Variants in TRAPPC9 observed in about 807,000 individuals in gnomAD.
TRAPPC9 encodes the protein IKK2 binding protein.
In TRAPPC9, 83 loss-of-function variants were observed where a neutral mutation model predicts 124.0. That is an observed-to-expected ratio of 0.67 (90% CI 0.56 to 0.80). The LOEUF (loss-of-function observed/expected upper bound fraction) is 0.80, where lower values mean the gene tolerates loss of function less well. TRAPPC9 is among the 30% of genes least tolerant of loss of function. TRAPPC9 has a pLI of 0.00. For synonymous variants in TRAPPC9, 638 were observed against 617.5 expected (o/e 1.03, Z -0.49); for missense variants, 1,302 against 1,508.3 (o/e 0.86, Z 2.27).
intron 9 of TRAPPC9, among the ~76,000 whole-genome samples, chr8:140,317,382 TCCTTTGGATAAGGTC>T (rs1278256544): frequency 6.6e-6 from 1 of 152,228 alleles, no homozygotes; most frequent in Non-Finnish European, 1.5e-5. Flanking sequence ...GGTTCCTGTG[TCCTTTGGATAAGGTC>T]CCATTATTCT....
chr8:140,233,412 G>A (rs1394360524), intron 16 of TRAPPC9, among the ~76,000 whole-genome samples: 1 of 151,892 alleles, frequency 6.6e-6, no homozygotes, highest in Non-Finnish European at 1.5e-5. Flanking sequence ...CACCATCTTG[G>A]CCAGGCTGCT....
chr8:139,959,124 C>A (rs1015935774), intron 19 of TRAPPC9, among the ~76,000 whole-genome samples: 4 of 147,012 alleles, frequency 2.7e-5, no homozygotes, highest in Admixed American at 6.8e-5. Context: ...ACACAGGGGA[C>A]TGGCTCCCAG....
chr8:140,116,874 A>AGTAGGCGGAGTTCAGTGT (rs2060898377), intron 17 of TRAPPC9, among the ~76,000 whole-genome samples: 4 of 146,458 alleles, frequency 2.7e-5, no homozygotes, highest in Non-Finnish European at 5.9e-5. Context: ...GAGTTCAGTG[A>AGTAGGCGGAGTTCAGTGT]GTAGGCGGAG....
intron 18 of TRAPPC9, chr8:140,008,403 C>A (rs1838899207): frequency 6.6e-6 from 1 of 152,310 alleles, no homozygotes; most frequent in Non-Finnish European, 1.5e-5. Context: ...TCAACCACCA[C>A]GAAGGATTCG....
At chr8:140,438,261 C>T (rs145502497) in intron 3 of TRAPPC9, among the ~76,000 whole-genome samples, 55 of 152,272 alleles carry the variant, frequency 3.6e-4, no homozygotes, top group Non-Finnish European at 5.6e-4. Flanking sequence ...ATACAATCTG[C>T]GGCCTTTTTC....
At chr8:139,796,553 T>C (rs773017423) in intron 21 of TRAPPC9, among the ~76,000 whole-genome samples, 8 of 152,270 alleles carry the variant, frequency 5.3e-5, no homozygotes, top group Admixed American at 5.2e-4. Context: ...AATGTTTTCA[T>C]GGTTCATCCA....
At chr8:139,862,699 C>T (rs1311117851) in intron 21 of TRAPPC9, among the ~76,000 whole-genome samples, 1 of 152,212 alleles carries the variant, frequency 6.6e-6, no homozygotes, top group African/African-American at 2.4e-5. Flanking sequence ...CCATGAAGCA[C>T]CTGCTCTGTG....
Position 140,286,658 on chromosome 8 carries a change from A to G in TRAPPC9, c.1981+950T>C, listed in dbSNP as rs560634362. Among the ~76,000 whole-genome samples, 9 of 152,158 alleles carry G rather than the reference A, an allele frequency of 5.9e-5. No homozygotes were observed. In the South Asian group the frequency reaches 1.7e-3, roughly 28 times the overall value. ...GGCTGATGGGAATGCCCGCACTGAG[A>G]TGGAGGCTTGACGGGGGCAGGGGCA... On this transcript the variant is annotated intron_variant, in intron 13 of 22. Transcript: ENST00000438773.
At chr8:140,331,029 A>C (rs1290245849) in intron 9 of TRAPPC9, among the ~76,000 whole-genome samples, 1 of 152,186 alleles carries the variant, frequency 6.6e-6, no homozygotes, top group Non-Finnish European at 1.5e-5. Context: ...TGAGCAAAAA[A>C]TAACAAAGCA....
Position 140,290,900 on chromosome 8 carries a change from C to G in TRAPPC9, c.1854+93G>C, listed in dbSNP as rs187639164. 4.1e-6 allele frequency: 4 copies of G among 984,828 alleles called. No homozygotes were observed. The African/African-American group carries it at 4.8e-5, about 12-fold the overall frequency. 61.0% of individuals were successfully genotyped at this position (984,828 alleles called of 1,614,324 possible). On this transcript the variant is annotated intron_variant, in intron 12 of 22. Coordinates refer to ENST00000438773, the MANE Select transcript of TRAPPC9 (RefSeq NM_001160372.4). ...AACAAACATAAAAACAGACACATAT[C>G]GTAAGATGTGTGCCTCAGACATTAA... is the stretch of plus-strand genomic sequence containing the variant.
At chr8:139,965,104 G>T (rs1835613800) in intron 19 of TRAPPC9, among the ~76,000 whole-genome samples, 2 of 127,148 alleles carry the variant, frequency 1.6e-5, no homozygotes, top group African/African-American at 5.0e-5. Flanking sequence ...CTCAGCAGGG[G>T]GTCTCTGGGG....
At chr8:140,133,478 A>G (rs937539874) in intron 17 of TRAPPC9, among the ~76,000 whole-genome samples, 6 of 152,248 alleles carry the variant, frequency 3.9e-5, no homozygotes, top group Non-Finnish European at 8.8e-5. Flanking sequence ...AGAAAGACTG[A>G]AAGCTTCCCC....
rs771216660 is a variant in TRAPPC9 at position 139,902,694 on chromosome 8, CAG to C, written c.2964+7451_2964+7452del. On this transcript the variant is annotated intron_variant, in intron 20 of 22. Transcript: ENST00000438773. Reference sequence around the variant, plus strand: ...ATTTAATTTTTTTCAGGAGATAAGACAGAGCTCCATTAGGAAACATGTCTGAG... The same window carrying C: ...ATTTAATTTTTTTCAGGAGATAAGACAGCTCCATTAGGAAACATGTCTGAG... Among the ~76,000 whole-genome samples, 9 of 152,156 alleles carry C rather than the reference CAG, an allele frequency of 5.9e-5. No individual in the cohort carries two copies. In the East Asian group the frequency reaches 7.7e-4, roughly 13 times the overall value.
intron 21 of TRAPPC9, among the ~76,000 whole-genome samples, chr8:139,745,646 C>T (rs1818835968): frequency 1.3e-5 from 2 of 152,208 alleles, no homozygotes; most frequent in Admixed American, 6.5e-5. Flanking sequence ...CTCCTTCAGG[C>T]CCAGCAGGCT....
chr8:140,327,875 C>T (rs2066781352), intron 9 of TRAPPC9, among the ~76,000 whole-genome samples: 1 of 152,134 alleles, frequency 6.6e-6, no homozygotes, highest in Non-Finnish European at 1.5e-5. Context: ...GTACTCAATA[C>T]CACTGAATTT....
intron 21 of TRAPPC9, among the ~76,000 whole-genome samples, chr8:139,739,899 G>C (rs981930085): frequency 6.6e-6 from 1 of 152,222 alleles, no homozygotes; most frequent in Admixed American, 6.5e-5. Flanking sequence ...ATATCTGCTG[G>C]ACACATAGAT....
chr8:139,852,946 T>C (rs996133627), intron 21 of TRAPPC9, among the ~76,000 whole-genome samples: 1 of 152,226 alleles, frequency 6.6e-6, no homozygotes, highest in African/African-American at 2.4e-5. Context: ...AGTTCTGGCC[T>C]GCCCCCTGTC....
intron 18 of TRAPPC9, among the ~76,000 whole-genome samples, chr8:140,020,313 C>G (rs1839757548): frequency 6.6e-6 from 1 of 152,166 alleles, no homozygotes; most frequent in African/African-American, 2.4e-5. Flanking sequence ...GAAGCAATAT[C>G]ACTGATTTTA....
At chr8:139,979,383 A>C (rs1418196200) in intron 19 of TRAPPC9, among the ~76,000 whole-genome samples, 3 of 152,208 alleles carry the variant, frequency 2.0e-5, no homozygotes, top group Non-Finnish European at 4.4e-5. Context: ...CTAGCCCAGC[A>C]CAGGCCAGAT....
Sources: gnomAD v4.1 joint callset for allele counts (sites outside exome capture counted in the v4.1 genomes callset) on GRCh38, gnomAD v4.1.1 for gene constraint, MANE v1.5 for transcripts, NCBI Gene and HGNC (gene_info 2026-07-23, HGNC 2026-07-21) for gene names.